The following CDIN1 variants were observed in gnomAD, a reference collection of about 807,000 sequenced individuals.
The protein encoded by CDIN1 is CDAN1-interacting nuclease 1.
CDIN1 carries 33 observed loss-of-function variants against 45.3 expected under a neutral mutation model. The ratio of observed to expected loss-of-function variants is 0.73; its 90% CI spans 0.55 to 0.97. CDIN1 has a LOEUF of 0.97. Ranked by LOEUF, CDIN1 falls within the 50% of genes least tolerant of loss-of-function variation. CDIN1 has a pLI of 0.00. For synonymous variants in CDIN1, 118 were observed against 124.4 expected, an observed-to-expected ratio of 0.95 and a Z score of 0.34; for missense variants, 303 against 339.4, an observed-to-expected ratio of 0.89 and a Z score of 0.84.
chr15:36,797,715 C>T (rs541111959), intron 10 of CDIN1, among the ~76,000 whole-genome samples: 19 of 152,248 alleles, frequency 1.2e-4, no homozygotes, highest in African/African-American at 3.6e-4. Flanking sequence ...CATGGTGGCT[C>T]ATGCCTGTAA....
intron 5 of CDIN1, among the ~76,000 whole-genome samples, chr15:36,681,219 T>A (rs1445918589): frequency 6.6e-6 from 1 of 152,152 alleles, no homozygotes; most frequent in Non-Finnish European, 1.5e-5. Flanking sequence ...AAGAGCAGAT[T>A]TTTAAAAAAT....
intron 1 of CDIN1, 30 bp downstream of exon 1, chr15:36,579,991 C>T: frequency 1.3e-6 from 2 of 1,591,096 alleles, no homozygotes; most frequent in South Asian, 1.1e-5. Context: ...CTCTCACAGC[C>T]CTTTGCCTGC....
At chr15:36,586,324 T>A (rs1205539984) in intron 1 of CDIN1, among the ~76,000 whole-genome samples, 1 of 152,128 alleles carries the variant, frequency 6.6e-6, no homozygotes, top group Admixed American at 6.6e-5. Context: ...TCCCATTGAT[T>A]TTAGCATCCA....
intron 10 of CDIN1, among the ~76,000 whole-genome samples, chr15:36,773,853 G>A (rs2054140293): frequency 6.6e-6 from 1 of 152,212 alleles, no homozygotes; most frequent in African/African-American, 2.4e-5. Flanking sequence ...CTCCTGTAAT[G>A]TCAGCTGCTA....
chr15:36,807,062 G>C (rs1417536794), intron 10 of CDIN1, among the ~76,000 whole-genome samples: 1 of 152,192 alleles, frequency 6.6e-6, no homozygotes, highest in Admixed American at 6.5e-5. Flanking sequence ...TCATGGTTCT[G>C]TACCTGCACA....
At chr15:36,761,708 C>T (rs534802375) in intron 10 of CDIN1, among the ~76,000 whole-genome samples, 4 of 152,254 alleles carry the variant, frequency 2.6e-5, no homozygotes, top group African/African-American at 9.6e-5. Flanking sequence ...ATGCAGACAG[C>T]GAGGCATCTT....
At chr15:36,749,912 AC>A (rs1197531672) in intron 10 of CDIN1, among the ~76,000 whole-genome samples, 1 of 152,166 alleles carries the variant, frequency 6.6e-6, no homozygotes, top group African/African-American at 2.4e-5. Flanking sequence ...AGGTCCCCCG[AC>A]CTTTTGGCCA....
chr15:36,657,796 C>G, intron 4 of CDIN1, 37 bp from the exon 5 acceptor site: 1 of 1,548,556 alleles, frequency 6.5e-7, no homozygotes, highest in Non-Finnish European at 8.8e-7. Flanking sequence ...GCTCGCACAA[C>G]TTGATAGTTT....
chr15:36,745,159 C>T (rs2044375926), intron 10 of CDIN1, among the ~76,000 whole-genome samples: 1 of 152,090 alleles, frequency 6.6e-6, no homozygotes, highest in African/African-American at 2.4e-5. Context: ...GAAAAAATTG[C>T]ACTTTTCCAA....
intron 10 of CDIN1, among the ~76,000 whole-genome samples, chr15:36,764,357 A>T (rs904546037): frequency 1.3e-5 from 2 of 151,790 alleles, no homozygotes; most frequent in Non-Finnish European, 2.9e-5. Flanking sequence ...AGACTCATTT[A>T]TCCAGTTGTC....
intron 10 of CDIN1, among the ~76,000 whole-genome samples, chr15:36,739,076 A>G (rs1253648629): frequency 6.6e-6 from 1 of 152,226 alleles, no homozygotes; most frequent in Non-Finnish European, 1.5e-5. Flanking sequence ...ATAAACAATC[A>G]TCAGTCTTTG....
chr15:36,643,051 A>C (rs961525544), intron 1 of CDIN1, among the ~76,000 whole-genome samples: 1 of 152,156 alleles, frequency 6.6e-6, no homozygotes, highest in African/African-American at 2.4e-5. Flanking sequence ...TGGCTCTTTC[A>C]AAGGGGCTTT....
chr15:36,781,796 C>T (rs142530704), intron 10 of CDIN1, among the ~76,000 whole-genome samples: 56 of 152,306 alleles, frequency 3.7e-4, no homozygotes, highest in African/African-American at 1.3e-3. Context: ...ATCTCAGTTA[C>T]TCCCTCACTT....
intron 10 of CDIN1, among the ~76,000 whole-genome samples, chr15:36,761,175 C>T (rs761656817): frequency 2.6e-5 from 4 of 152,274 alleles, no homozygotes; most frequent in Non-Finnish European, 5.9e-5. Flanking sequence ...CTTTCTGACC[C>T]TCAAGCTCTG....
chr15:36,693,937 T>C (rs2042335307), intron 7 of CDIN1, among the ~76,000 whole-genome samples: 1 of 152,240 alleles, frequency 6.6e-6, no homozygotes, highest in Non-Finnish European at 1.5e-5. Flanking sequence ...TAGAATTTAA[T>C]GTAGTACATG....
rs577071615 is a variant in CDIN1, at chr15:36,775,732, A to C, written c.717-32592A>C. On this transcript the variant is annotated intron_variant, in intron 10 of 10. Coordinates refer to ENST00000566621, the MANE Select transcript of CDIN1 (RefSeq NM_001321759.2). Reference sequence around the variant, plus strand: ...CACAGGGACAATATGCAAGATGTATACCCTGACAAGCGTTTTATCTGTTTT... The same window carrying C: ...CACAGGGACAATATGCAAGATGTATCCCCTGACAAGCGTTTTATCTGTTTT... Among the ~76,000 whole-genome samples the C allele has an allele frequency of 8.5e-4, 130 of 152,316 alleles. 1 individual carries two copies. The highest frequency in any genetic ancestry group is 1.5e-3 in the Non-Finnish European group (105 of 68,034).
chr15:36,742,511 T>C (rs2044274921), intron 10 of CDIN1, among the ~76,000 whole-genome samples: 1 of 152,218 alleles, frequency 6.6e-6, no homozygotes, highest in Non-Finnish European at 1.5e-5. Flanking sequence ...AAATTCAACA[T>C]TGATTATGTA....
At chr15:36,737,309 A>G (rs1442361933) in intron 10 of CDIN1, among the ~76,000 whole-genome samples, 2 of 152,122 alleles carry the variant, frequency 1.3e-5, no homozygotes, top group African/African-American at 4.8e-5. Context: ...GAAGTGATTC[A>G]TCTAGAATCT....
chr15:36,715,891 T>A (rs910087771), intron 10 of CDIN1, among the ~76,000 whole-genome samples: 2 of 152,154 alleles, frequency 1.3e-5, no homozygotes, highest in African/African-American at 4.8e-5. Flanking sequence ...TCATAATGGT[T>A]ATAATGGATA....
Sources: allele counts gnomAD v4.1 joint callset (sites outside exome capture counted in the v4.1 genomes callset), GRCh38; gene constraint gnomAD v4.1.1; transcripts MANE v1.5; gene names NCBI Gene and HGNC (gene_info 2026-07-23, HGNC 2026-07-21).